TNR: variants seen among roughly 807,000 people sequenced by gnomAD.
TNR encodes tenascin R.
TNR carries 45 observed loss-of-function variants against 150.4 expected under a neutral mutation model. The observed-to-expected ratio is 0.30, with a 90% CI of 0.24 to 0.38. The LOEUF (loss-of-function observed/expected upper bound fraction) is 0.38, where lower values mean the gene tolerates loss of function less well. TNR is among the 10% of genes least tolerant of loss of function. TNR has a pLI of 1.00. For synonymous variants in TNR, 687 were observed against 678.4 expected, an observed-to-expected ratio of 1.01 and a Z score of -0.20; for missense variants, 1,544 against 1,759.1, an observed-to-expected ratio of 0.88 and a Z score of 2.19.
chr1:175,335,937 C>T lies in TNR; in HGVS notation c.3535-130G>A, dbSNP rs1395612436. On this transcript the variant is annotated intron_variant, in intron 19 of 22. Coordinates refer to ENST00000367674, the MANE Select transcript of TNR (RefSeq NM_003285.3). ...TTTATATCTGCAATGACAAAGATGTCCAAAGAAGGAACATTTCAGAGCAGA... is the reference window on the plus strand; with the variant it reads ...TTTATATCTGCAATGACAAAGATGTTCAAAGAAGGAACATTTCAGAGCAGA... 5 of 761,380 alleles carry T rather than the reference C, an allele frequency of 6.6e-6. No individual in the cohort carries two copies. In the Admixed American group the frequency reaches 1.1e-4, roughly 16 times the overall value. 47.2% of individuals were successfully genotyped at this position (761,380 alleles called of 1,614,324 possible). A position where few individuals can be genotyped will look rare whatever the true frequency, so the allele number is the denominator to read the frequency against.
intron 1 of TNR, among the ~76,000 whole-genome samples, chr1:175,588,235 A>C (rs1460317108): frequency 6.6e-6 from 1 of 152,236 alleles, no homozygotes; most frequent in African/African-American, 2.4e-5. Context: ...AGTTGGACTA[A>C]TTCTTAATGG....
At chr1:175,686,840 G>T (rs1053260183) in intron 1 of TNR, among the ~76,000 whole-genome samples, 1 of 152,136 alleles carries the variant, frequency 6.6e-6, no homozygotes, top group Non-Finnish European at 1.5e-5. Context: ...TTATGGCTGC[G>T]TAGTATTCCA....
chr1:175,734,196 C>G (rs1196896856), intron 1 of TNR, among the ~76,000 whole-genome samples: 1 of 152,162 alleles, frequency 6.6e-6, no homozygotes. Context: ...AACCTTGTGC[C>G]CCTGATCTCC....
chr1:175,726,292 T>C (rs1667475597), intron 1 of TNR, among the ~76,000 whole-genome samples: 1 of 152,246 alleles, frequency 6.6e-6, no homozygotes. Flanking sequence ...AGCAGTGCTA[T>C]AGAAGACCAG....
At chr1:175,362,838 A>T in intron 13 of TNR, 29 bp from the exon 14 acceptor site, 1 of 1,612,924 alleles carries the variant, frequency 6.2e-7, no homozygotes, top group African/African-American at 1.3e-5. Context: ...TACAGTTAAA[A>T]TTCAGCAGCC....
chr1:175,619,116 C>T lies in TNR; in HGVS notation c.-164-90747G>A, dbSNP rs181938652. 8.5e-5 allele frequency among the ~76,000 whole-genome samples: 13 copies of T among 152,258 alleles called. No homozygotes were observed. In the East Asian group the frequency reaches 2.5e-3, roughly 30 times the overall value. ...GAGGGTCTCCATTAGTGACTGAGTGCCTGTTCTCTCCAGTCTCCTCCTCTA... is the reference window on the plus strand; with the variant it reads ...GAGGGTCTCCATTAGTGACTGAGTGTCTGTTCTCTCCAGTCTCCTCCTCTA... On this transcript the variant is annotated intron_variant, in intron 1 of 22. Transcript: ENST00000367674.
At position 175,417,020 on chromosome 1, in the gene TNR, A is replaced by AAAGAAAGAAAGAAAGAAAGG. The variant is rs1654503968; in HGVS notation, c.-63-10244_-63-10243insCCTTTCTTTCTTTCTTTCTT. Among the ~76,000 whole-genome samples, 76 of 90,660 alleles carry AAAGAAAGAAAGAAAGAAAGG rather than the reference A, an allele frequency of 8.4e-4. 1 individual carries two copies. The highest frequency in any genetic ancestry group is 2.8e-3 in the African/African-American group (69 of 24,762). 59.5% of individuals were successfully genotyped at this position (90,660 alleles called of 152,430 possible). A position where few individuals can be genotyped will look rare whatever the true frequency, so the allele number is the denominator to read the frequency against. On this transcript the variant is annotated intron_variant, in intron 2 of 22. Transcript: ENST00000367674. ...GAGACTCCATCTCAAAAAAAGAAAG[A>AAAGAAAGAAAGAAAGAAAGG]AAGAAAGAAAGAAAGAAAGAAAGAA...
chr1:175,668,062 G>T (rs975575123), intron 1 of TNR, among the ~76,000 whole-genome samples: 1 of 152,120 alleles, frequency 6.6e-6, no homozygotes, highest in Non-Finnish European at 1.5e-5. Flanking sequence ...GTCCCCAGGT[G>T]GTTCATATGC....
chr1:175,330,341 G>T, intron 20 of TNR, 106 bp from the exon 21 acceptor site: 13 of 1,024,326 alleles, frequency 1.3e-5, no homozygotes, highest in South Asian at 9.2e-5. Flanking sequence ...GAAGAGGAGG[G>T]GACTCCAGAT....
chr1:175,574,087 G>A (rs1046014624), intron 1 of TNR, among the ~76,000 whole-genome samples: 4 of 152,138 alleles, frequency 2.6e-5, no homozygotes, highest in Non-Finnish European at 5.9e-5. Context: ...TGGGCGTGGA[G>A]AGAAGACCTG....
intron 2 of TNR, among the ~76,000 whole-genome samples, chr1:175,424,469 C>T (rs1423036528): frequency 1.3e-5 from 2 of 152,196 alleles, no homozygotes; most frequent in Non-Finnish European, 2.9e-5. Flanking sequence ...TCTCCATTAA[C>T]AGGTGTGCAG....
At chr1:175,529,917 A>G (rs560993381) in intron 1 of TNR, among the ~76,000 whole-genome samples, 79 of 152,358 alleles carry the variant, frequency 5.2e-4, no homozygotes, top group Non-Finnish European at 1.0e-3. Context: ...AACACCGGGT[A>G]CTTTTGACAT....
At chr1:175,432,938 G>T (rs1486062751) in intron 2 of TNR, among the ~76,000 whole-genome samples, 2 of 152,244 alleles carry the variant, frequency 1.3e-5, no homozygotes, top group Non-Finnish European at 2.9e-5. Context: ...TTATAATGTG[G>T]GACTCAGAAA....
intron 1 of TNR, among the ~76,000 whole-genome samples, chr1:175,688,876 T>A (rs961088709): frequency 6.6e-6 from 1 of 152,252 alleles, no homozygotes; most frequent in Non-Finnish European, 1.5e-5. Flanking sequence ...CAAGGCCATG[T>A]CTTTTATGAC....
At chr1:175,521,960 A>G (rs1659656951) in intron 2 of TNR, among the ~76,000 whole-genome samples, 2 of 152,250 alleles carry the variant, frequency 1.3e-5, no homozygotes, top group Non-Finnish European at 2.9e-5. Context: ...GGAGTGCAGC[A>G]AGCATGATAC....
chr1:175,454,796 G>A (rs1003026872), intron 2 of TNR, among the ~76,000 whole-genome samples: 1 of 152,310 alleles, frequency 6.6e-6, no homozygotes, highest in Non-Finnish European at 1.5e-5. Flanking sequence ...TTAGCTGAAT[G>A]ATTTTAAACA....
intron 13 of TNR, 103 bp from the exon 14 acceptor site, chr1:175,362,912 G>A (rs989503068): frequency 1.8e-5 from 24 of 1,358,566 alleles, no homozygotes; most frequent in African/African-American, 8.6e-5. Context: ...GTGGGACTCC[G>A]CACTCAGTGG....
chr1:175,427,658 T>TTTCCTTCC (rs199692758), intron 2 of TNR, among the ~76,000 whole-genome samples: 13,463 of 116,438 alleles, frequency 0.12, 995 homozygotes, highest in South Asian at 0.17. Flanking sequence ...AAGTGTTTTG[T>TTTCCTTCC]TTCCTTCCTT....
chr1:175,619,083 G>A (rs978543463), intron 1 of TNR, among the ~76,000 whole-genome samples: 2 of 152,218 alleles, frequency 1.3e-5, no homozygotes, highest in African/African-American at 4.8e-5. Flanking sequence ...GCTGCCCTGG[G>A]GTGCTAGGAG....
Sources: gnomAD v4.1 joint callset for allele counts (sites outside exome capture counted in the v4.1 genomes callset) on GRCh38, gnomAD v4.1.1 for gene constraint, MANE v1.5 for transcripts, NCBI Gene and HGNC (gene_info 2026-07-23, HGNC 2026-07-21) for gene names.